VRK3: variants seen among roughly 807,000 people sequenced by gnomAD.
VRK3 encodes the protein VRK serine/threonine kinase 3.
Under a neutral mutation model 60.4 loss-of-function variants are expected in VRK3, and 50 were observed. The observed-to-expected ratio is 0.83, with a 90% CI of 0.66 to 1.05. VRK3 has a LOEUF of 1.05. Among genes scored for constraint, VRK3 ranks in the 50% least tolerant of loss-of-function variants. The pLI is 0.00. For missense variants in VRK3, 549 were observed against 585.3 expected (o/e 0.94, Z 0.64); for synonymous variants, 246 against 227.8 (o/e 1.08, Z -0.72).
At chr19:50,004,812 A>AG (rs1016565472) in intron 5 of VRK3, among the ~76,000 whole-genome samples, 2 of 151,876 alleles carry the variant, frequency 1.3e-5, no homozygotes, top group South Asian at 2.1e-4. Context: ...CGGGAGGCTG[A>AG]GGGGGGAGAA....
intron 8 of VRK3, 117 bp from the exon 9 acceptor site, chr19:49,995,036 G>C (rs2076677617): frequency 3.1e-6 from 4 of 1,278,284 alleles, no homozygotes; most frequent in Non-Finnish European, 4.4e-6. Context: ...GAGATCAAAG[G>C]TTCTGACTGG....
At position 50,000,781 on chromosome 19, in the gene VRK3, G is replaced by C. The variant is rs775909481; in HGVS notation, c.612+9C>G. On this transcript the variant is annotated intron_variant, in intron 6 of 14. Transcript: ENST00000316763. ...CTCCAAGCTGCCCCCCACCTGCAGG[G>C]TCACTTACCAGTTTGAGTGAGAACT... 5.0e-6 allele frequency: 8 copies of C among 1,611,598 alleles called. No individual in the cohort carries two copies. Among genetic ancestry groups the C allele is most frequent in the Non-Finnish European group, 5.9e-6 (7 of 1,178,936 alleles).
chr19:50,023,078 G>A (rs942345272), intron 1 of VRK3, among the ~76,000 whole-genome samples: 3 of 152,164 alleles, frequency 2.0e-5, no homozygotes, highest in Admixed American at 2.0e-4. Context: ...TGCCTGGAAC[G>A]CTGTCCCCCT....
chr19:50,009,079 A>AT (rs2076951330), intron 4 of VRK3, among the ~76,000 whole-genome samples, 157 bp downstream of exon 4: 1 of 151,876 alleles, frequency 6.6e-6, no homozygotes, highest in African/African-American at 2.4e-5. Flanking sequence ...GGCAGACTGG[A>AT]GGGGGAGATG....
chr19:49,984,600 C>G (rs1011655325), intron 12 of VRK3, among the ~76,000 whole-genome samples: 2 of 152,146 alleles, frequency 1.3e-5, no homozygotes, highest in African/African-American at 2.4e-5. Context: ...AGCATTCACT[C>G]CTTAGTTGTT....
At chr19:50,013,930 G>A (rs1326781836) in intron 3 of VRK3, among the ~76,000 whole-genome samples, 3 of 152,192 alleles carry the variant, frequency 2.0e-5, no homozygotes, top group Non-Finnish European at 2.9e-5. Context: ...TTAATTAGTA[G>A]TGGTAGGGAA....
At chr19:49,980,873 A>G in intron 13 of VRK3, 82 bp downstream of exon 13, 1 of 1,306,980 alleles carries the variant, frequency 7.7e-7, no homozygotes, top group Non-Finnish European at 1.1e-6. Context: ...GAAGAGGTGT[A>G]AGGAGAAGCC....
chr19:49,982,032 A>AG lies in VRK3; in HGVS notation c.1218-1020dup, dbSNP rs1463065984. 8 of 665,830 alleles carry AG rather than the reference A, an allele frequency of 1.2e-5. No homozygotes were observed. The African/African-American group carries it at 1.4e-4, about 12-fold the overall frequency. 41.2% of individuals were successfully genotyped at this position (665,830 alleles called of 1,614,324 possible). On this transcript the variant is annotated intron_variant, in intron 12 of 14. Transcript: ENST00000316763. The stretch of plus-strand genomic sequence containing the variant: ...GTCTGTGGCTGACTCAAAGGGAGGG[A>AG]GGTGGTCCCCCGGAGGCGGCTGCAT...
chr19:50,017,391 A>G (rs181040457), intron 2 of VRK3, among the ~76,000 whole-genome samples: 153 of 151,838 alleles, frequency 1.0e-3, no homozygotes, highest in Non-Finnish European at 2.0e-3. Flanking sequence ...CCTGACCAAC[A>G]TGGAGAAACC....
intron 9 of VRK3, among the ~76,000 whole-genome samples, chr19:49,993,592 A>T (rs1482701002): frequency 6.6e-6 from 1 of 151,700 alleles, no homozygotes; most frequent in East Asian, 1.9e-4. Context: ...TAGAGAGGGC[A>T]TTTTGCCATG....
intron 12 of VRK3, chr19:49,981,773 C>G: frequency 9.7e-7 from 1 of 1,034,388 alleles, no homozygotes; most frequent in Non-Finnish European, 1.2e-6. Flanking sequence ...ACCTCCCCAC[C>G]CGTCCCAAGC....
At chr19:49,992,359 G>A (rs1036061265) in intron 10 of VRK3, among the ~76,000 whole-genome samples, 1 of 152,172 alleles carries the variant, frequency 6.6e-6, no homozygotes, top group Non-Finnish European at 1.5e-5. Flanking sequence ...AGCCGAGATC[G>A]TGCCATTGCA....
intron 5 of VRK3, chr19:50,001,425 T>A (rs573297235): frequency 1.3e-5 from 2 of 152,588 alleles, no homozygotes; most frequent in African/African-American, 4.8e-5. Flanking sequence ...CAGTGACTGA[T>A]TGAGGTGGAC....
intron 12 of VRK3, among the ~76,000 whole-genome samples, chr19:49,982,394 C>T (rs372732131): frequency 4.6e-5 from 7 of 152,224 alleles, no homozygotes; most frequent in East Asian, 1.9e-4. Flanking sequence ...CCTCCTGTCT[C>T]GGCCTCCCAA....
intron 5 of VRK3, among the ~76,000 whole-genome samples, chr19:50,005,555 T>A (rs1418273825): frequency 6.7e-6 from 1 of 149,596 alleles, no homozygotes; most frequent in African/African-American, 2.6e-5. Context: ...CCTCTGCCCA[T>A]CAAATAACTT....
chr19:50,000,915 C>T (rs925967623), intron 5 of VRK3, 61 bp from the exon 6 acceptor site: 9 of 1,516,834 alleles, frequency 5.9e-6, no homozygotes, highest in Non-Finnish European at 6.3e-6. Context: ...GGTCATCATC[C>T]CCAAACTTCC....
rs530816389 is a variant in VRK3 at position 50,012,090 on chromosome 19, G to C, written c.140-2705C>G. On this transcript the variant is annotated intron_variant, in intron 3 of 14. Transcript: ENST00000316763. ...GGGTTCAAGCGATTCTCCTGCCTCA[G>C]CCTCCCGAGTAGCTGGGATTACAGG... 5.3e-5 allele frequency among the ~76,000 whole-genome samples: 8 copies of C among 151,932 alleles called. No homozygotes were observed. In the South Asian group the frequency reaches 6.2e-4, roughly 12 times the overall value.
chr19:49,996,571 T>A (rs2076708377), intron 7 of VRK3, among the ~76,000 whole-genome samples: 1 of 152,220 alleles, frequency 6.6e-6, no homozygotes, highest in Non-Finnish European at 1.5e-5. Context: ...TTCTGAGGGT[T>A]CATTACCTTT....
intron 1 of VRK3, among the ~76,000 whole-genome samples, chr19:50,022,955 C>G (rs1404146350): frequency 6.7e-6 from 1 of 150,136 alleles, no homozygotes; most frequent in Non-Finnish European, 1.5e-5. Flanking sequence ...CCTCTCTGAC[C>G]TCTCCCACCT....
Sources: gnomAD v4.1 joint callset for allele counts (sites outside exome capture counted in the v4.1 genomes callset) on GRCh38, gnomAD v4.1.1 for gene constraint, MANE v1.5 for transcripts, NCBI Gene and HGNC (gene_info 2026-07-23, HGNC 2026-07-21) for gene names.